DTNB: variants seen among roughly 807,000 people sequenced by gnomAD.
The protein encoded by DTNB is DTN-B.
DTNB carries 63 observed loss-of-function variants against 90.7 expected under a neutral mutation model. That is an observed-to-expected ratio of 0.69 (90% confidence interval 0.57 to 0.86). DTNB has a LOEUF of 0.86. Ranked by LOEUF, DTNB falls within the 40% of genes least tolerant of loss-of-function variation. The pLI, the probability that DTNB is intolerant of heterozygous loss-of-function variation, is 0.00. For synonymous variants in DTNB, 277 were observed against 286.7 expected, an observed-to-expected ratio of 0.97 and a Z score of 0.34; for missense variants, 744 against 807.1, an observed-to-expected ratio of 0.92 and a Z score of 0.95.
intron 3 of DTNB, among the ~76,000 whole-genome samples, chr2:25,628,973 G>A (rs114682970): frequency 1.2e-3 from 186 of 152,154 alleles, no homozygotes; most frequent in Non-Finnish European, 2.1e-3. Context: ...TCCATTTCCA[G>A]TAATAAAGTA....
chr2:25,489,313 A>T (rs2066878070), intron 9 of DTNB, among the ~76,000 whole-genome samples: 1 of 152,212 alleles, frequency 6.6e-6, no homozygotes, highest in Admixed American at 6.5e-5. Flanking sequence ...CATTTATCAG[A>T]TATTTGCCTA....
intron 8 of DTNB, among the ~76,000 whole-genome samples, chr2:25,538,141 G>C (rs1219713469): frequency 6.6e-6 from 1 of 152,010 alleles, no homozygotes; most frequent in Non-Finnish European, 1.5e-5. Context: ...CCAGCACTTT[G>C]GGAGGTCAAG....
chr2:25,509,064 T>C (rs2073279607), intron 9 of DTNB, among the ~76,000 whole-genome samples: 1 of 152,240 alleles, frequency 6.6e-6, no homozygotes, highest in African/African-American at 2.4e-5. Context: ...GCTTTGTAGA[T>C]TCCTTAGCAT....
chr2:25,390,955 G>A (rs2040931116), intron 16 of DTNB, among the ~76,000 whole-genome samples: 1 of 148,230 alleles, frequency 6.7e-6, no homozygotes, highest in Non-Finnish European at 1.5e-5. Context: ...GGAGTGCAGT[G>A]GTGCAATCTC....
chr2:25,660,689 AT>A (rs553230771), intron 1 of DTNB, among the ~76,000 whole-genome samples: 76 of 151,942 alleles, frequency 5.0e-4, no homozygotes, highest in Non-Finnish European at 8.7e-4. Flanking sequence ...CCTGTTGTTC[AT>A]TTTTTTTAAC....
intron 9 of DTNB, among the ~76,000 whole-genome samples, chr2:25,510,156 A>G (rs947918148): frequency 1.3e-5 from 2 of 152,058 alleles, no homozygotes; most frequent in Non-Finnish European, 2.9e-5. Flanking sequence ...TCCTTCTGGA[A>G]TTCCAATTAT....
chr2:25,616,296 A>G (rs1408979605), intron 4 of DTNB, among the ~76,000 whole-genome samples: 3 of 152,074 alleles, frequency 2.0e-5, no homozygotes, highest in African/African-American at 7.2e-5. Context: ...CTTCATGGGT[A>G]CTATGATATC....
At chr2:25,378,539 T>C (rs2036542576) in intron 20 of DTNB, among the ~76,000 whole-genome samples, 1 of 149,630 alleles carries the variant, frequency 6.7e-6, no homozygotes, top group African/African-American at 2.4e-5. Flanking sequence ...GACTTCTTTA[T>C]TCGAGGAAGA....
intron 16 of DTNB, among the ~76,000 whole-genome samples, chr2:25,416,286 T>A (rs1228120906): frequency 6.6e-6 from 1 of 152,224 alleles, no homozygotes; most frequent in Non-Finnish European, 1.5e-5. Flanking sequence ...GTGGACACTA[T>A]CAAAAGTTCT....
intron 9 of DTNB, among the ~76,000 whole-genome samples, chr2:25,509,713 T>C (rs2073467465): frequency 6.6e-6 from 1 of 151,376 alleles, no homozygotes. Context: ...AGCTTTACTA[T>C]GATGTGTGTA....
chr2:25,457,725 T>C (rs2060264661), intron 10 of DTNB, among the ~76,000 whole-genome samples: 1 of 152,238 alleles, frequency 6.6e-6, no homozygotes, highest in African/African-American at 2.4e-5. Context: ...TCATTCTATT[T>C]ATAGCATTCT....
At chr2:25,500,155 C>T (rs2070174238) in intron 9 of DTNB, among the ~76,000 whole-genome samples, 1 of 152,172 alleles carries the variant, frequency 6.6e-6, no homozygotes, top group Admixed American at 6.5e-5. Flanking sequence ...CCTGCCTCAG[C>T]CTCCCAAAGT....
intron 14 of DTNB, among the ~76,000 whole-genome samples, chr2:25,431,884 A>C (rs901184188): frequency 1.3e-5 from 2 of 152,222 alleles, no homozygotes; most frequent in African/African-American, 4.8e-5. Context: ...CAGCCTAACT[A>C]CATTGAGAAA....
intron 10 of DTNB, among the ~76,000 whole-genome samples, chr2:25,472,209 G>A (rs960708611): frequency 2.6e-5 from 4 of 152,198 alleles, no homozygotes; most frequent in Non-Finnish European, 5.9e-5. Context: ...ACTATGATAT[G>A]TACCAGACGC....
chr2:25,463,687 C>G (rs181506169), intron 10 of DTNB, among the ~76,000 whole-genome samples: 2 of 152,190 alleles, frequency 1.3e-5, no homozygotes, highest in Non-Finnish European at 2.9e-5. Context: ...GCTGCAGGCA[C>G]GGAACGAATA....
At chr2:25,396,447 G>A (rs1401187850) in intron 16 of DTNB, among the ~76,000 whole-genome samples, 1 of 151,842 alleles carries the variant, frequency 6.6e-6, no homozygotes, top group Non-Finnish European at 1.5e-5. Context: ...GGAGGCGGAG[G>A]GTGCAGTGAA....
At chr2:25,599,406 A>G (rs1305394736) in intron 5 of DTNB, among the ~76,000 whole-genome samples, 1 of 150,592 alleles carries the variant, frequency 6.6e-6, no homozygotes, top group African/African-American at 2.5e-5. Context: ...CAGTGGTGTG[A>G]TCTTGGCTCA....
At chr2:25,394,492 A>T (rs945506693) in intron 16 of DTNB, among the ~76,000 whole-genome samples, 6 of 152,248 alleles carry the variant, frequency 3.9e-5, no homozygotes, top group Admixed American at 2.0e-4. Flanking sequence ...CAAACTATAC[A>T]TCTGACACAG....
chr2:25,485,580 C>A (rs2065946259), intron 9 of DTNB, among the ~76,000 whole-genome samples: 1 of 152,148 alleles, frequency 6.6e-6, no homozygotes. Context: ...AAACTATAAA[C>A]TAATCATAAC....
Sources: allele counts gnomAD v4.1 joint callset (sites outside exome capture counted in the v4.1 genomes callset), GRCh38; gene constraint gnomAD v4.1.1; transcripts MANE v1.5; gene names NCBI Gene and HGNC (gene_info 2026-07-23, HGNC 2026-07-21).